The following NCAM2 variants were observed in gnomAD, a reference collection of about 807,000 sequenced individuals.
NCAM2 encodes the protein N-CAM-2.
NCAM2 carries 30 observed loss-of-function variants against 98.1 expected under a neutral mutation model. The ratio of observed to expected loss-of-function variants is 0.31; its 90% CI spans 0.23 to 0.41. The LOEUF (loss-of-function observed/expected upper bound fraction) is 0.41, where lower values mean the gene tolerates loss of function less well. Among genes scored for constraint, NCAM2 ranks in the 10% least tolerant of loss-of-function variants. The pLI is 1.00. For missense variants in NCAM2, 867 were observed against 1,005.8 expected, an observed-to-expected ratio of 0.86 and a Z score of 1.87; for synonymous variants, 368 against 342.4, an observed-to-expected ratio of 1.07 and a Z score of -0.83.
At chr21:21,531,287 A>G (rs147309666) in intron 16 of NCAM2, among the ~76,000 whole-genome samples, 3 of 152,278 alleles carry the variant, frequency 2.0e-5, no homozygotes, top group African/African-American at 7.2e-5. Flanking sequence ...TTCAGTGTTG[A>G]CATTTTCATT....
intron 1 of NCAM2, among the ~76,000 whole-genome samples, chr21:21,268,478 A>T (rs73318658): frequency 0.011 from 1,742 of 152,200 alleles, 28 homozygotes; most frequent in African/African-American, 0.04. Context: ...CTGTCTTGGG[A>T]GTTGCCTCAC....
chr21:21,102,420 A>G (rs2066261660), intron 1 of NCAM2, among the ~76,000 whole-genome samples: 1 of 152,024 alleles, frequency 6.6e-6, no homozygotes, highest in Non-Finnish European at 1.5e-5. Context: ...CTCAGGTTAT[A>G]TTTAATATAT....
intron 5 of NCAM2, among the ~76,000 whole-genome samples, chr21:21,294,653 C>T (rs758994032): frequency 2.6e-5 from 4 of 151,840 alleles, no homozygotes; most frequent in East Asian, 1.9e-4. Context: ...AATTGATTTC[C>T]GTCTGGAGGA....
At chr21:21,199,767 T>C (rs991191610) in intron 1 of NCAM2, among the ~76,000 whole-genome samples, 1 of 152,178 alleles carries the variant, frequency 6.6e-6, no homozygotes, top group Non-Finnish European at 1.5e-5. Context: ...ACTTTATTAA[T>C]GGAAGTTTTG....
chr21:21,475,136 A>T (rs1336826308), intron 14 of NCAM2, among the ~76,000 whole-genome samples: 1 of 151,976 alleles, frequency 6.6e-6, no homozygotes, highest in Admixed American at 6.6e-5. Flanking sequence ...TAAGGCTTAA[A>T]ATCACTGTGT....
intron 1 of NCAM2, among the ~76,000 whole-genome samples, chr21:21,016,357 A>G (rs1474602822): frequency 6.6e-6 from 1 of 152,230 alleles, no homozygotes. Context: ...GCCAACGTTT[A>G]TAAAGTTCTT....
At chr21:21,471,189 C>A (rs1008614336) in intron 14 of NCAM2, among the ~76,000 whole-genome samples, 7 of 151,898 alleles carry the variant, frequency 4.6e-5, no homozygotes, top group African/African-American at 1.7e-4. Flanking sequence ...GCCATCCTGG[C>A]ACAGTTTCTC....
At position 21,541,678 on chromosome 21, in the gene NCAM2, A is replaced by C. The variant is rs1455305000; in HGVS notation, c.*3721A>C. 1 of 151,740 alleles carries C rather than the reference A, an allele frequency of 6.6e-6. No homozygotes were observed. The highest frequency in any genetic ancestry group is 1.5e-5 in the Non-Finnish European group (1 of 67,740). 9.4% of individuals were successfully genotyped at this position (151,740 alleles called of 1,614,324 possible). A position where few individuals can be genotyped will look rare whatever the true frequency, so the allele number is the denominator to read the frequency against. Reference sequence around the variant, plus strand: ...CAATAAGATTATCACTGACGAAAATATGTACAGTTCAAGAAGTAGAAATAA... The same window carrying C: ...CAATAAGATTATCACTGACGAAAATCTGTACAGTTCAAGAAGTAGAAATAA... On this transcript the variant is annotated 3_prime_UTR_variant, in exon 18 of 18. Transcript: ENST00000400546.
chr21:21,072,979 A>G (rs1046819096), intron 1 of NCAM2, among the ~76,000 whole-genome samples: 4 of 146,486 alleles, frequency 2.7e-5, no homozygotes, highest in East Asian at 3.9e-4. Flanking sequence ...ATAACTTTCA[A>G]TTCCCTCCTA....
At chr21:21,275,346 A>G (rs566192936) in intron 1 of NCAM2, among the ~76,000 whole-genome samples, 3 of 152,158 alleles carry the variant, frequency 2.0e-5, no homozygotes, top group East Asian at 3.9e-4. Flanking sequence ...AGGCTGAGGC[A>G]GGAGAATGGC....
chr21:21,085,151 T>A (rs1406873565), intron 1 of NCAM2, among the ~76,000 whole-genome samples: 1 of 152,144 alleles, frequency 6.6e-6, no homozygotes, highest in Non-Finnish European at 1.5e-5. Flanking sequence ...TGCAAAGTTA[T>A]TGTTGTTAAT....
intron 1 of NCAM2, among the ~76,000 whole-genome samples, chr21:21,171,164 A>G (rs1002386334): frequency 3.3e-5 from 5 of 152,180 alleles, no homozygotes; most frequent in East Asian, 1.9e-4. Flanking sequence ...TGATGATGGG[A>G]TTATTACTAT....
chr21:21,299,890 T>A (rs1415864832), intron 5 of NCAM2, among the ~76,000 whole-genome samples: 2 of 151,898 alleles, frequency 1.3e-5, no homozygotes. Flanking sequence ...AGTCCCTTTA[T>A]GTAAAAAGGC....
intron 1 of NCAM2, among the ~76,000 whole-genome samples, chr21:21,009,943 T>C (rs918313344): frequency 7.5e-5 from 11 of 145,904 alleles, no homozygotes; most frequent in Non-Finnish European, 1.5e-4. Flanking sequence ...TGGTGTTCTC[T>C]AGGTCCAACT....
At chr21:21,240,782 A>G (rs1034960747) in intron 1 of NCAM2, among the ~76,000 whole-genome samples, 1 of 152,230 alleles carries the variant, frequency 6.6e-6, no homozygotes, top group African/African-American at 2.4e-5. Context: ...CAGGATTTAT[A>G]GTGAATTTAG....
At chr21:21,174,148 A>G (rs1393487809) in intron 1 of NCAM2, among the ~76,000 whole-genome samples, 4 of 152,126 alleles carry the variant, frequency 2.6e-5, no homozygotes, top group East Asian at 2.0e-4. Flanking sequence ...TCGAACTACT[A>G]ACCTCAGATC....
chr21:21,304,928 T>A (rs1225506525), intron 5 of NCAM2, among the ~76,000 whole-genome samples: 1 of 152,204 alleles, frequency 6.6e-6, no homozygotes, highest in Non-Finnish European at 1.5e-5. Context: ...GCATCATATA[T>A]AAAGATAGAT....
intron 8 of NCAM2, among the ~76,000 whole-genome samples, chr21:21,367,231 A>G (rs183755776): frequency 4.5e-4 from 69 of 151,942 alleles, no homozygotes; most frequent in Admixed American, 6.6e-4. Flanking sequence ...TTCTTTATCT[A>G]TTGGTGATTT....
chr21:21,146,546 G>GAT (rs201917811), intron 1 of NCAM2, among the ~76,000 whole-genome samples: 2,013 of 50,302 alleles, frequency 0.04, 41 homozygotes, highest in South Asian at 0.073. Flanking sequence ...ATACTTACAG[G>GAT]ATATATATAT....
Sources: gnomAD v4.1 joint callset for allele counts (sites outside exome capture counted in the v4.1 genomes callset) on GRCh38, gnomAD v4.1.1 for gene constraint, MANE v1.5 for transcripts, NCBI Gene and HGNC (gene_info 2026-07-23, HGNC 2026-07-21) for gene names.